WWOX: variants seen among roughly 807,000 people sequenced by gnomAD.
WWOX encodes the protein WW domain containing oxidoreductase, also known as WW domain-containing oxidoreductase.
In WWOX, 69 loss-of-function variants were observed where a neutral mutation model predicts 46.2. That is an observed-to-expected ratio of 1.49 (90% CI 1.23 to 1.82). WWOX has a LOEUF of 1.82. Among genes scored for constraint, WWOX ranks in the 40% most tolerant of loss-of-function variants. The probability of loss-of-function intolerance (pLI) is 0.00; values close to 1 mark genes in which losing one functional copy is unlikely to be tolerated. For synonymous variants in WWOX, 359 were observed against 202.6 expected (o/e 1.77, Z -6.56); for missense variants, 919 against 542.6 (o/e 1.69, Z -6.89).
chr16:78,160,956 A>G (rs62045111), intron 4 of WWOX, among the ~76,000 whole-genome samples: 11,595 of 152,170 alleles, frequency 0.076, 602 homozygotes, highest in Non-Finnish European at 0.12. Flanking sequence ...GAGAGGCTCT[A>G]TTATTAAGTA....
chr16:79,176,684 G>C (rs1316972165), intron 8 of WWOX, among the ~76,000 whole-genome samples: 2 of 152,058 alleles, frequency 1.3e-5, no homozygotes. Flanking sequence ...ATAGTTTGGA[G>C]GTCTTCATTT....
rs144312142 is a variant in WWOX at position 79,177,924 on chromosome 16, A to C, written c.1057-33684A>C. ...ATTCTTAAAGTTCTGGAGCCTGGGA[A>C]GTCCAAGAGCAAAGCAACGGCAGAT... On this transcript the variant is annotated intron_variant, in intron 8 of 8. Coordinates refer to ENST00000566780, the MANE Select transcript of WWOX (RefSeq NM_016373.4). Among the ~76,000 whole-genome samples the C allele has an allele frequency of 2.1e-3, 316 of 152,342 alleles. 2 individuals carry two copies. Among genetic ancestry groups the C allele is most frequent in the African/African-American group, 7.2e-3 (298 of 41,576 alleles).
At chr16:78,518,207 GTTATTA>G (rs981449537) in intron 8 of WWOX, among the ~76,000 whole-genome samples, 4 of 151,918 alleles carry the variant, frequency 2.6e-5, no homozygotes, top group Admixed American at 1.3e-4. Context: ...TGCTGTTTTT[GTTATTA>G]TTATTATTAA....
At chr16:78,263,613 T>C (rs2079293902) in intron 5 of WWOX, among the ~76,000 whole-genome samples, 1 of 151,184 alleles carries the variant, frequency 6.6e-6, no homozygotes, top group Non-Finnish European at 1.5e-5. Context: ...GATGGGGCTG[T>C]CAACAGAGAG....
At chr16:78,141,326 C>G (rs1457640186) in intron 4 of WWOX, among the ~76,000 whole-genome samples, 1 of 151,634 alleles carries the variant, frequency 6.6e-6, no homozygotes, top group Non-Finnish European at 1.5e-5. Context: ...GTCAAGTATA[C>G]AACACTTCTG....
intron 8 of WWOX, among the ~76,000 whole-genome samples, chr16:78,618,704 C>T (rs2046091595): frequency 6.6e-6 from 1 of 152,032 alleles, no homozygotes; most frequent in Non-Finnish European, 1.5e-5. Context: ...GCTAGAGTTG[C>T]TTTCTTCCTT....
chr16:78,235,366 A>T (rs758820939), intron 5 of WWOX, among the ~76,000 whole-genome samples: 2 of 152,116 alleles, frequency 1.3e-5, no homozygotes, highest in African/African-American at 2.4e-5. Flanking sequence ...CAAGCCTGCC[A>T]GGCCGGCTCA....
rs1412089332 is a variant in WWOX at position 79,212,401 on chromosome 16, T to G, written c.*605T>G. ...GAACTACCAGGTGGCAAAGTACTTGTCATAGACTCCTTTGCTAATGCTATG... is the reference window on the plus strand; with the variant it reads ...GAACTACCAGGTGGCAAAGTACTTGGCATAGACTCCTTTGCTAATGCTATG... On this transcript the variant is annotated 3_prime_UTR_variant, in exon 9 of 9. Transcript: ENST00000566780. 1 of 433,970 alleles carries G rather than the reference T, an allele frequency of 2.3e-6. No homozygotes were observed. The highest frequency in any genetic ancestry group is 4.1e-6 in the Non-Finnish European group (1 of 245,250). The allele number at this position is 433,970 out of a possible 1,614,324, so 26.9% of individuals were successfully genotyped here. A position where few individuals can be genotyped will look rare whatever the true frequency, so the allele number is the denominator to read the frequency against.
At chr16:79,175,155 ACT>A (rs772561005) in intron 8 of WWOX, among the ~76,000 whole-genome samples, 4 of 152,188 alleles carry the variant, frequency 2.6e-5, no homozygotes, top group Middle Eastern at 3.2e-3. Context: ...AAGTTGAACA[ACT>A]CTGCCTTAAT....
intron 8 of WWOX, among the ~76,000 whole-genome samples, chr16:78,804,430 A>G (rs994825802): frequency 1.3e-5 from 2 of 151,534 alleles, no homozygotes; most frequent in African/African-American, 4.9e-5. Context: ...AAAAAAAAAA[A>G]AGAAAGAAAG....
chr16:78,775,512 G>A (rs575692147), intron 8 of WWOX, among the ~76,000 whole-genome samples: 2 of 152,224 alleles, frequency 1.3e-5, no homozygotes, highest in South Asian at 4.2e-4. Context: ...GCGCCCTCCG[G>A]GGGGTGGGGT....
At chr16:78,947,990 A>C (rs182818525) in intron 8 of WWOX, among the ~76,000 whole-genome samples, 1 of 152,310 alleles carries the variant, frequency 6.6e-6, no homozygotes, top group East Asian at 1.9e-4. Context: ...TTCTAGAGGA[A>C]GTCAAAGGCA....
intron 8 of WWOX, among the ~76,000 whole-genome samples, chr16:78,564,852 C>G (rs2044526972): frequency 1.3e-5 from 2 of 152,046 alleles, no homozygotes; most frequent in African/African-American, 4.8e-5. Flanking sequence ...TTTCTTTCCT[C>G]TTTTTCTTTT....
chr16:79,157,046 C>T (rs2050395324), intron 8 of WWOX, among the ~76,000 whole-genome samples: 1 of 152,124 alleles, frequency 6.6e-6, no homozygotes, highest in Non-Finnish European at 1.5e-5. Context: ...CCTGGCCATT[C>T]CTTTAGACAT....
intron 8 of WWOX, among the ~76,000 whole-genome samples, chr16:79,197,617 A>G (rs780835818): frequency 6.6e-6 from 1 of 152,220 alleles, no homozygotes; most frequent in Non-Finnish European, 1.5e-5. Context: ...CACTGCCACA[A>G]ACAGGTGGTT....
chr16:78,388,889 A>G (rs1597147884), intron 6 of WWOX, among the ~76,000 whole-genome samples: 1 of 151,932 alleles, frequency 6.6e-6, no homozygotes, highest in Non-Finnish European at 1.5e-5. Flanking sequence ...GAATGGCTTG[A>G]ACCCGGGAGG....
chr16:78,337,741 A>AAAGCGGTATTGCATTGTGATTTTGAT (rs1567510463), intron 5 of WWOX, among the ~76,000 whole-genome samples: 2 of 124,500 alleles, frequency 1.6e-5, no homozygotes, highest in African/African-American at 5.4e-5. Context: ...AGTGCTCAGA[A>AAAGCGGTATTGCATTGTGATTTTGAT]TGAAATATCC....
chr16:79,052,898 A>G (rs1042618950), intron 8 of WWOX, among the ~76,000 whole-genome samples: 8 of 138,422 alleles, frequency 5.8e-5, no homozygotes, highest in South Asian at 4.7e-4. Flanking sequence ...TATGTCTGCA[A>G]TCGATCTGAA....
chr16:78,484,171 G>C (rs895689430), intron 8 of WWOX, among the ~76,000 whole-genome samples: 4 of 152,266 alleles, frequency 2.6e-5, no homozygotes, highest in East Asian at 3.9e-4. Context: ...TGTAGGAGCT[G>C]CTCTTAATGA....
Sources: gnomAD v4.1 joint callset for allele counts (sites outside exome capture counted in the v4.1 genomes callset) on GRCh38, gnomAD v4.1.1 for gene constraint, MANE v1.5 for transcripts, NCBI Gene and HGNC (gene_info 2026-07-23, HGNC 2026-07-21) for gene names.